The following FBRS variants were observed in gnomAD, a reference collection of about 807,000 sequenced individuals.
FBRS encodes the protein probable fibrosin-1.
FBRS carries 15 observed loss-of-function variants against 86.1 expected under a neutral mutation model. That is an observed-to-expected ratio of 0.17 (90% confidence interval 0.12 to 0.27). The LOEUF (loss-of-function observed/expected upper bound fraction) is 0.27, where lower values mean the gene tolerates loss of function less well. Ranked by LOEUF, FBRS falls within the 10% of genes least tolerant of loss-of-function variation. The pLI is 1.00. For missense variants in FBRS, 1,367 were observed against 1,301.6 expected, an observed-to-expected ratio of 1.05 and a Z score of -0.77; for synonymous variants, 666 against 575.8, an observed-to-expected ratio of 1.16 and a Z score of -2.24.
chr16:30,664,136 A>G (rs1354076365), intron 6 of FBRS, 79 bp from the exon 7 acceptor site: 5 of 1,287,156 alleles, frequency 3.9e-6, no homozygotes, highest in Non-Finnish European at 5.0e-6. Flanking sequence ...GGGTCACGGT[A>G]TCACCCAGGC....
chr16:30,669,138 G>T lies in FBRS; in HGVS notation c.2436G>T (p.Glu812Asp). The change falls in exon 18 of 18, where the codon GAG becomes GAT. Residue 812 changes from glutamate to aspartate, a missense_variant. Glu to Asp is a conservative substitution (Grantham distance 45, BLOSUM62 2). Transcript: ENST00000356166. This position sits in a 1 kb window ranked among gnomAD's most constrained non-coding sequence, Gnocchi z 5.9. ...CTCCCAAGGCCCGGGCTGGTGAGGAGGGGCCTCGGCCAACCAAGGAATCTG... is the reference window on the plus strand; with the variant it reads ...CTCCCAAGGCCCGGGCTGGTGAGGATGGGCCTCGGCCAACCAAGGAATCTG... ...PATPKARAGE[E>D]GPRPTKESVR... The T allele has an allele frequency of 6.3e-7, 1 of 1,575,184 alleles. No individual in the cohort carries two copies. Among genetic ancestry groups the T allele is most frequent in the East Asian group, 2.3e-5 (1 of 42,614 alleles).
rs368379251 is a variant in FBRS, at chr16:30,661,169, G to A, written c.640-11G>A. On this transcript the variant is annotated splice_polypyrimidine_tract_variant and intron_variant, in intron 2 of 17. Coordinates refer to ENST00000356166, the MANE Select transcript of FBRS (RefSeq NM_001105079.3). ...CCGCCTCCCTCACCTCTGGACTCTG[G>A]TCTTCCTCAGGCGTCCTCCCGTCAC... 69 of 1,550,508 alleles carry A rather than the reference G, an allele frequency of 4.5e-5. 1 individual carries two copies. The African/African-American group carries it at 8.6e-4, about 19-fold the overall frequency.
In FBRS at chr16:30,669,733, G is replaced by A. The variant is rs2052574696; in HGVS notation, c.*88G>A. The A allele has an allele frequency of 2.1e-6, 3 of 1,440,314 alleles. No individual in the cohort carries two copies. The highest frequency in any genetic ancestry group is 1.8e-6 in the Non-Finnish European group (2 of 1,095,448). The allele number at this position is 1,440,314 out of a possible 1,614,324, so 89.2% of individuals were successfully genotyped here. On this transcript the variant is annotated 3_prime_UTR_variant, in exon 18 of 18. Transcript: ENST00000356166. This position sits in a 1 kb window ranked among gnomAD's most constrained non-coding sequence, Gnocchi z 5.9. ...TGAGGTTTTAAGCCAGGGCTGGAGG[G>A]CAAAGGTCATAACCTCACCAGCCAC... is the stretch of plus-strand genomic sequence containing the variant.
At position 30,668,987 on chromosome 16, in the gene FBRS, T is replaced by TACCCCCCCCCCCCCCCCCCCCCCC; in HGVS notation, c.2366+8_2366+9insACCCCCCCCCCCCCCCCCCCCCCC. ...CAAGGAGGAGAAGGACAGGTGTGCCTCCCACCCACCCTGCCCCTGCCCCAC... is the reference window on the plus strand; with the variant it reads ...CAAGGAGGAGAAGGACAGGTGTGCCTACCCCCCCCCCCCCCCCCCCCCCCCCCACCCACCCTGCCCCTGCCCCAC... On this transcript the variant is annotated intron_variant, in intron 17 of 17. Coordinates refer to ENST00000356166, the MANE Select transcript of FBRS (RefSeq NM_001105079.3). 1 of 1,481,122 alleles carries TACCCCCCCCCCCCCCCCCCCCCCC rather than the reference T, an allele frequency of 6.8e-7. No homozygotes were observed. The highest frequency in any genetic ancestry group is 9.2e-7 in the Non-Finnish European group (1 of 1,088,970). 91.7% of individuals were successfully genotyped at this position (1,481,122 alleles called of 1,614,324 possible).
Position 30,659,823 on chromosome 16 carries a change from C to G in FBRS, c.305C>G (p.Ser102Trp), listed in dbSNP as rs1006686031. 3.4e-5 allele frequency: 51 copies of G among 1,519,240 alleles called. 1 individual carries two copies. The Admixed American group carries it at 6.6e-4, about 20-fold the overall frequency. 94.1% of individuals were successfully genotyped at this position (1,519,240 alleles called of 1,614,324 possible). ...RPRARKRPAGSGSRGEEEEEE... is the reference protein window; with the variant it reads ...RPRARKRPAGWGSRGEEEEEE... ...CGAGCTCGGAAGCGGCCTGCCGGCT[C>G]GGGCAGCCGCGGGGAGGAAGAGGAG... Residue 102 changes from serine to tryptophan, a missense_variant, in exon 1 of 18, where the codon TCG (serine) becomes TGG (tryptophan). Around this residue, in one of 3 missense-constraint regions of FBRS, gnomAD observed 702 missense variants for 598.7 expected, o/e 1.17. Transcript: ENST00000356166.
chr16:30,662,139 C>A, intron 4 of FBRS: 1 of 440,604 alleles, frequency 2.3e-6, no homozygotes, highest in Middle Eastern at 6.1e-4. Flanking sequence ...CAGCTAGTGA[C>A]CTCTGACGTT....
chr16:30,664,566 G>C (rs143455806), intron 7 of FBRS, 50 bp downstream of exon 7: 2 of 1,426,900 alleles, frequency 1.4e-6, no homozygotes, highest in South Asian at 1.5e-5. Context: ...CCCCGGGCTC[G>C]GGCCCAGTTG....
At position 30,669,152 on chromosome 16, in the gene FBRS, C is replaced by T; in HGVS notation, c.2450C>T (p.Thr817Ile). ...ARAGEEGPRP[T>I]KESVRVKEER... ...GCTGGTGAGGAGGGGCCTCGGCCAA[C>T]CAAGGAATCTGTGCGGGTAAAGGAA... The change falls in exon 18 of 18, where the codon ACC becomes ATC. Residue 817 changes from threonine to isoleucine, a missense_variant. Transcript: ENST00000356166. This position sits in a 1 kb window ranked among gnomAD's most constrained non-coding sequence, Gnocchi z 5.9. 5 of 1,565,364 alleles carry T rather than the reference C, an allele frequency of 3.2e-6. No individual in the cohort carries two copies. Among genetic ancestry groups the T allele is most frequent in the Admixed American group, 1.9e-5 (1 of 52,658 alleles).
At chr16:30,661,108 T>C in intron 2 of FBRS, 72 bp from the exon 3 acceptor site, 3 of 1,548,334 alleles carry the variant, frequency 1.9e-6, no homozygotes, top group East Asian at 4.9e-5. Context: ...ATGAGCGCCC[T>C]GCTGGGAGCT....
At chr16:30,662,276 G>A in intron 4 of FBRS, 144 bp from the exon 5 acceptor site, 2 of 1,296,456 alleles carry the variant, frequency 1.5e-6, no homozygotes, top group South Asian at 1.4e-5. Context: ...CTAGAGCCCA[G>A]TCTTTGATGG....
Position 30,668,809 on chromosome 16 carries a change from G to A in FBRS, c.2196G>A (p.Gly732=). The A allele has an allele frequency of 3.1e-6, 5 of 1,599,222 alleles. No individual in the cohort carries two copies. The highest frequency in any genetic ancestry group is 2.2e-5 in the East Asian group (1 of 44,650). Residue 732 remains glycine (G), a synonymous_variant, in exon 17 of 18, where the codon GGG becomes GGA. Coordinates refer to ENST00000356166, the MANE Select transcript of FBRS (RefSeq NM_001105079.3). The part of the protein sequence containing the change: ...GAVFAQKESP[G]APPAFASPPD... ...TCTTTGCCCAGAAAGAAAGCCCAGGGGCCCCACCAGCCTTCGCCTCCCCAC... is the reference window on the plus strand; with the variant it reads ...TCTTTGCCCAGAAAGAAAGCCCAGGAGCCCCACCAGCCTTCGCCTCCCCAC...
Position 30,666,836 on chromosome 16 carries a change from G to A in FBRS, c.1804-83G>A. On this transcript the variant is annotated intron_variant, in intron 12 of 17. Transcript: ENST00000356166. ...AGTAGGGATATTTTGTGGCGAGGCT[G>A]GGCCCAGAGCCAGGCCTGGAGTGGA... 1.1e-5 allele frequency: 16 copies of A among 1,447,268 alleles called. 1 individual carries two copies. Among genetic ancestry groups the A allele is most frequent in the Non-Finnish European group, 1.5e-5 (16 of 1,048,318 alleles). 89.7% of individuals were successfully genotyped at this position (1,447,268 alleles called of 1,614,324 possible).
chr16:30,668,671 G>GGGGGGA, intron 16 of FBRS, 28 bp downstream of exon 16: 1 of 1,588,626 alleles, frequency 6.3e-7, no homozygotes, highest in Non-Finnish European at 8.6e-7. Context: ...GGGGTGGGGG[G>GGGGGGA]GCTGCGGCCA....
At chr16:30,664,000 G>A (rs985913098) in intron 6 of FBRS, among the ~76,000 whole-genome samples, 1 of 152,186 alleles carries the variant, frequency 6.6e-6, no homozygotes, top group African/African-American at 2.4e-5. Context: ...CTGCGTGGAT[G>A]CAGAGACCTA....
chr16:30,667,719 C>T (rs950829621), intron 15 of FBRS, 97 bp downstream of exon 15: 4 of 1,110,850 alleles, frequency 3.6e-6, no homozygotes, highest in South Asian at 1.8e-5. Context: ...CAGGATAGAC[C>T]TGGTTCCACT....
At position 30,659,976 on chromosome 16, in the gene FBRS, A is replaced by G. The variant is rs1298090582; in HGVS notation, c.458A>G (p.Gln153Arg). The G allele has an allele frequency of 3.2e-6, 5 of 1,549,362 alleles. No homozygotes were observed. Among genetic ancestry groups the G allele is most frequent in the Non-Finnish European group, 4.4e-6 (5 of 1,146,652 alleles). Residue 153 changes from glutamine (Q) to arginine (R), a missense_variant and splice_region_variant, in exon 1 of 18, where the codon CAG becomes CGG. Physicochemically the swap from Gln to Arg is conservative, Grantham distance 43. Transcript: ENST00000356166. ...AGCTTCGCCACCCTCGAGGCCTTGC[A>G]GGTGGGGCCTAATGGGGCTAGGAGA... ...IASFATLEAL[Q>R]KDASLQPPER...
At position 30,666,528 on chromosome 16, in the gene FBRS, G is replaced by T; in HGVS notation, c.1790G>T (p.Arg597Leu). 1.2e-6 allele frequency: 2 copies of T among 1,613,950 alleles called. No homozygotes were observed. The highest frequency in any genetic ancestry group is 1.7e-6 in the Non-Finnish European group (2 of 1,179,878). ...CATCCCCAGATCCCCGACCATTTCC[G>T]GCCACCTTTGAGGGTGAGTTGTGTG... The part of the protein sequence containing the change: ...QKGTQIPDHF[R>L]PPLRKPGKWC... The change falls in exon 12 of 18, where the codon CGG (arginine) becomes CTG (leucine). Residue 597 changes from arginine to leucine, a missense_variant. By Grantham distance (102) the Arg-to-Leu change is moderately radical. Coordinates refer to ENST00000356166, the MANE Select transcript of FBRS (RefSeq NM_001105079.3).
chr16:30,665,703 A>G lies in FBRS; in HGVS notation c.1770A>G (p.Thr590=). Residue 590 remains threonine, a synonymous_variant, in exon 11 of 18, where the codon ACA becomes ACG. Coordinates refer to ENST00000356166, the MANE Select transcript of FBRS (RefSeq NM_001105079.3). This position sits in a 1 kb window ranked among gnomAD's most constrained non-coding sequence, Gnocchi z 4.1. ...PVPSGLSQKG[T]QIPDHFRPPL... ...CGAGCGGGCTCTCCCAGAAGGGGAC[A>G]CAGGTGAGGGGGCCAGGGCAGGTCC... 6.3e-7 allele frequency: 1 copy of G among 1,580,110 alleles called. No homozygotes were observed. The highest frequency in any genetic ancestry group is 8.6e-7 in the Non-Finnish European group (1 of 1,163,058).
Position 30,669,878 on chromosome 16 carries a change from G to A in FBRS, c.*233G>A. ...GCCTCTAGAGAAGGGAGAGGGGCGT[G>A]TGCATGGGAGTGTGGCTCATCTCGG... On this transcript the variant is annotated 3_prime_UTR_variant, in exon 18 of 18. Coordinates refer to ENST00000356166, the MANE Select transcript of FBRS (RefSeq NM_001105079.3). This position sits in a 1 kb window ranked among gnomAD's most constrained non-coding sequence, Gnocchi z 5.9. The A allele has an allele frequency of 3.2e-6, 2 of 629,452 alleles. No homozygotes were observed. The highest frequency in any genetic ancestry group is 5.6e-5 in the East Asian group (2 of 35,956). The allele number at this position is 629,452 out of a possible 1,614,324, so 39.0% of individuals were successfully genotyped here.
Sources: allele counts gnomAD v4.1 joint callset (sites outside exome capture counted in the v4.1 genomes callset), GRCh38; gene constraint gnomAD v4.1.1; regional missense constraint gnomAD v4.1.1; non-coding constraint Gnocchi (gnomAD v3.1); transcripts MANE v1.5; gene names NCBI Gene and HGNC (gene_info 2026-07-23, HGNC 2026-07-21).